SH3TC1: variants seen among roughly 807,000 people sequenced by gnomAD.
SH3TC1 encodes the protein SH3 domain and tetratricopeptide repeat-containing protein 1.
Under a neutral mutation model 117.3 loss-of-function variants are expected in SH3TC1, and 135 were observed. That is an observed-to-expected ratio of 1.15 (90% CI 1.00 to 1.33). The LOEUF (loss-of-function observed/expected upper bound fraction) is 1.33, where lower values mean the gene tolerates loss of function less well. Ranked by LOEUF, SH3TC1 falls within the 40% of genes most tolerant of loss-of-function variation. SH3TC1 has a pLI of 0.00. For missense variants in SH3TC1, 2,092 were observed against 1,794.3 expected (o/e 1.17, Z -3.00); for synonymous variants, 898 against 816.9 (o/e 1.10, Z -1.69).
upstream of SH3TC1, among the ~76,000 whole-genome samples, chr4:8,198,819 A>G (rs889230906): frequency 3.3e-5 from 5 of 152,216 alleles, no homozygotes; most frequent in African/African-American, 1.2e-4. Flanking sequence ...GTTTGTGTGC[A>G]TACGTGTGCC....
chr4:8,200,209 G>A (rs1022358850), intron 1 of SH3TC1, among the ~76,000 whole-genome samples: 6 of 152,224 alleles, frequency 3.9e-5, no homozygotes, highest in South Asian at 2.1e-4. Flanking sequence ...CATGTGGGCC[G>A]GCCACTCAGG....
At chr4:8,216,430 C>T (rs1719282793) in intron 6 of SH3TC1, among the ~76,000 whole-genome samples, 173 bp downstream of exon 6, 1 of 152,160 alleles carries the variant, frequency 6.6e-6, no homozygotes, top group African/African-American at 2.4e-5. Flanking sequence ...GGCACTGTCA[C>T]TTAGCTCTAG....
rs556577647 is a variant in SH3TC1 at position 8,233,272 on chromosome 4, C to A, written c.3132-91C>A. The A allele has an allele frequency of 3.2e-5, 48 of 1,505,252 alleles. No individual in the cohort carries two copies. The African/African-American group carries it at 4.9e-4, about 15-fold the overall frequency. The allele number at this position is 1,505,252 out of a possible 1,614,324, so 93.2% of individuals were successfully genotyped here. ...CAAGAGGGCCGTTCCCAGTCCCATT[C>A]CAGATTCATCTGTCACCAGACCCAC... On this transcript the variant is annotated intron_variant, in intron 13 of 17. Coordinates refer to ENST00000245105, the MANE Select transcript of SH3TC1 (RefSeq NM_018986.5).
rs1366988086 is a variant in SH3TC1 at position 8,228,523 on chromosome 4, G to A, written c.2829G>A (p.Arg943=). 1 of 1,611,424 alleles carries A rather than the reference G, an allele frequency of 6.2e-7. No homozygotes were observed. Among genetic ancestry groups the A allele is most frequent in the East Asian group, 2.2e-5 (1 of 44,868 alleles). The change falls in exon 12 of 18, where the codon CGG becomes CGA. Residue 943 remains arginine, a synonymous_variant. Coordinates refer to ENST00000245105, the MANE Select transcript of SH3TC1 (RefSeq NM_018986.5). ...GGCTGCCCCTTGGGGAGTGTGGCCG[G>A]GACTTCACCCACGTGCTCCTGCAGC... is the stretch of plus-strand genomic sequence containing the variant. ...FSRLPLGECG[R]DFTHVLLQLG... is the part of the protein sequence containing the mutation.
chr4:8,215,068 G>T (rs566529382), intron 5 of SH3TC1: 8 of 442,224 alleles, frequency 1.8e-5, no homozygotes, highest in South Asian at 1.2e-4. Context: ...AGAAATGCCG[G>T]GTAGGCGGAG....
Position 8,209,766 on chromosome 4 carries a change from G to T in SH3TC1, c.191G>T (p.Arg64Leu), listed in dbSNP as rs1375611009. The change falls in exon 3 of 18, where the codon CGC (arginine) becomes CTC (leucine). Residue 64 changes from arginine (R) to leucine (L), a missense_variant. By Grantham distance (102) the Arg-to-Leu change is moderately radical. Coordinates refer to ENST00000245105, the MANE Select transcript of SH3TC1 (RefSeq NM_018986.5). The surrounding 1 kb of genome is among the most constrained non-coding windows in gnomAD (Gnocchi z 5.9). ...GTTGCAGACGAGGCTCCTCCTGCCC[G>T]CGTGGCTGGGCCTGCTGCTGGGACC... ...PVRGDEAPPA[R>L]VAGPAAGTPP... The T allele has an allele frequency of 3.1e-6, 5 of 1,613,690 alleles. No homozygotes were observed. The South Asian group carries it at 4.4e-5, about 14-fold the overall frequency.
intron 17 of SH3TC1, 103 bp from the exon 18 acceptor site, chr4:8,240,595 G>A: frequency 6.5e-7 from 1 of 1,549,764 alleles, no homozygotes; most frequent in Non-Finnish European, 8.8e-7. Flanking sequence ...CATGGGGTGA[G>A]CCAGCATTGG....
chr4:8,230,486 G>C, intron 12 of SH3TC1, among the ~76,000 whole-genome samples: 1 of 152,100 alleles, frequency 6.6e-6, no homozygotes, highest in Middle Eastern at 3.2e-3. Flanking sequence ...TCAGTCTGGT[G>C]AAAGATTTGT....
chr4:8,218,400 C>T, intron 8 of SH3TC1, 53 bp downstream of exon 8: 4 of 1,362,914 alleles, frequency 2.9e-6, no homozygotes, highest in South Asian at 2.5e-5. Context: ...TGCTAGGGAG[C>T]AGCACCAACA....
intron 12 of SH3TC1, chr4:8,229,307 C>A (rs1410418859): frequency 6.6e-6 from 1 of 150,902 alleles, no homozygotes; most frequent in Non-Finnish European, 1.5e-5. Context: ...AGGGAAGCCT[C>A]TTTAGTCTGG....
At chr4:8,236,197 G>T in intron 15 of SH3TC1, 81 bp from the exon 16 acceptor site, 1 of 1,443,936 alleles carries the variant, frequency 6.9e-7, no homozygotes, top group South Asian at 1.4e-5. Context: ...GGGAAGCTCC[G>T]AGCACATGTT....
intron 12 of SH3TC1, 144 bp from the exon 13 acceptor site, chr4:8,231,832 A>C: frequency 1.1e-6 from 1 of 869,698 alleles, no homozygotes; most frequent in South Asian, 1.7e-5. Flanking sequence ...TGCCCATGTC[A>C]CGGTGTGCTC....
At position 8,227,258 on chromosome 4, in the gene SH3TC1, G is replaced by C. The variant is rs530286416; in HGVS notation, c.1564G>C (p.Ala522Pro). 1.0e-5 allele frequency: 16 copies of C among 1,598,382 alleles called. No individual in the cohort carries two copies. Among genetic ancestry groups the C allele is most frequent in the Non-Finnish European group, 1.4e-5 (16 of 1,172,670 alleles). The change falls in exon 12 of 18, where the codon GCG (alanine) becomes CCG (proline). Residue 522 changes from alanine (A) to proline (P), a missense_variant. By Grantham distance (27) the Ala-to-Pro change is conservative. Transcript: ENST00000245105. ...KASFRGLYDV[A>P]LPWLSSVFRS... ...CAGCTTCCGTGGCCTGTACGATGTG[G>C]CGCTGCCGTGGCTGAGCAGCGTGTT...
chr4:8,208,478 C>T (rs1054566471), intron 2 of SH3TC1, among the ~76,000 whole-genome samples: 2 of 151,900 alleles, frequency 1.3e-5, no homozygotes, highest in African/African-American at 4.8e-5. Context: ...AGTGATTCTC[C>T]TGCCTCAGCC....
chr4:8,182,398 T>C (rs564123825), intron 1 of SH3TC1, among the ~76,000 whole-genome samples: 1 of 152,140 alleles, frequency 6.6e-6, no homozygotes, highest in East Asian at 1.9e-4. Context: ...CTGCCTCGAA[T>C]GGGGTTTCAG....
intron 4 of SH3TC1, among the ~76,000 whole-genome samples, chr4:8,213,581 G>A (rs1351071664): frequency 6.6e-6 from 1 of 152,146 alleles, no homozygotes; most frequent in Non-Finnish European, 1.5e-5. Flanking sequence ...CTGAGCCACT[G>A]ACAGGTCAGA....
In SH3TC1 at chr4:8,209,961, A is replaced by G; in HGVS notation, c.247+139A>G. 1.1e-6 allele frequency: 1 copy of G among 927,550 alleles called. No individual in the cohort carries two copies. The allele number at this position is 927,550 out of a possible 1,614,324, so 57.5% of individuals were successfully genotyped here. A position where few individuals can be genotyped will look rare whatever the true frequency, so the allele number is the denominator to read the frequency against. Reference sequence around the variant, plus strand: ...CCTTAAAATCATGATGGGAATAGAAAGAAGGGTTTGTTAAATGCGCATGCC... The same window carrying G: ...CCTTAAAATCATGATGGGAATAGAAGGAAGGGTTTGTTAAATGCGCATGCC... On this transcript the variant is annotated intron_variant, in intron 3 of 17. Transcript: ENST00000245105. The surrounding 1 kb of genome is among the most constrained non-coding windows in gnomAD (Gnocchi z 5.9).
At chr4:8,199,884 C>G (rs554557074) in intron 1 of SH3TC1, among the ~76,000 whole-genome samples, 1 of 152,346 alleles carries the variant, frequency 6.6e-6, no homozygotes, top group East Asian at 1.9e-4. Flanking sequence ...ACTCTGATGC[C>G]GCCACCTGGG....
rs1479753213 is a variant in SH3TC1, at chr4:8,224,056, C to A, written c.1243+1086C>A. On this transcript the variant is annotated intron_variant, in intron 10 of 17. Transcript: ENST00000245105. ...GCACTCACAAGTATACACACACACA[C>A]ACCCACCCATGCAGACATGTGTGCA... Among the ~76,000 whole-genome samples, 38 of 152,192 alleles carry A rather than the reference C, an allele frequency of 2.5e-4. 1 individual carries two copies. The highest frequency in any genetic ancestry group is 2.9e-5 in the Non-Finnish European group (2 of 68,034).
Sources: allele counts gnomAD v4.1 joint callset (sites outside exome capture counted in the v4.1 genomes callset), GRCh38; gene constraint gnomAD v4.1.1; non-coding constraint Gnocchi (gnomAD v3.1); transcripts MANE v1.5; gene names NCBI Gene and HGNC (gene_info 2026-07-23, HGNC 2026-07-21).